Variants in SYCP1 observed in about 807,000 individuals in gnomAD.
SYCP1 encodes the protein cancer/testis antigen 8.
Under a neutral mutation model 153.1 loss-of-function variants are expected in SYCP1, and 64 were observed. The observed-to-expected ratio is 0.42, with a 90% CI of 0.34 to 0.51. The LOEUF is 0.51. SYCP1 is among the 20% of genes least tolerant of loss of function. The pLI is 0.06. For synonymous variants in SYCP1, 384 were observed against 341.8 expected (o/e 1.12, Z -1.36); for missense variants, 997 against 1,049.0 (o/e 0.95, Z 0.68).
chr1:114,867,498 A>AT (rs983158219), intron 8 of SYCP1, among the ~76,000 whole-genome samples: 14 of 151,566 alleles, frequency 9.2e-5, no homozygotes, highest in Admixed American at 6.6e-5. Context: ...TAAGTATTTC[A>AT]TTTTTTTTGT....
intron 23 of SYCP1, among the ~76,000 whole-genome samples, chr1:114,927,740 G>A (rs1570788626): frequency 1.3e-5 from 2 of 152,054 alleles, no homozygotes; most frequent in Non-Finnish European, 1.5e-5. Flanking sequence ...ATAGTGCCTC[G>A]GTGGCCTGTA....
intron 12 of SYCP1, among the ~76,000 whole-genome samples, chr1:114,881,440 T>C (rs1199052272): frequency 6.6e-6 from 1 of 152,228 alleles, no homozygotes; most frequent in Non-Finnish European, 1.5e-5. Flanking sequence ...ATGATATGTC[T>C]TTCTAGGTTG....
intron 23 of SYCP1, among the ~76,000 whole-genome samples, chr1:114,933,680 T>C (rs906616091): frequency 3.3e-5 from 5 of 152,156 alleles, no homozygotes; most frequent in African/African-American, 1.2e-4. Context: ...GACGGCTAAC[T>C]AGAATAAACA....
chr1:114,957,410 AG>A, intron 27 of SYCP1, among the ~76,000 whole-genome samples: 1 of 152,358 alleles, frequency 6.6e-6, no homozygotes, highest in East Asian at 1.9e-4. Flanking sequence ...GACCTCAAAA[AG>A]CATAGGCAAT....
At chr1:114,878,404 T>C (rs1665687157) in intron 12 of SYCP1, among the ~76,000 whole-genome samples, 1 of 152,168 alleles carries the variant, frequency 6.6e-6, no homozygotes, top group African/African-American at 2.4e-5. Flanking sequence ...CCTTTTTCCA[T>C]GCTCTTACCT....
intron 27 of SYCP1, among the ~76,000 whole-genome samples, chr1:114,958,615 CAGTTTTAAA>C (rs1671580591): frequency 1.3e-5 from 2 of 151,902 alleles, no homozygotes; most frequent in South Asian, 4.2e-4. Flanking sequence ...TTTTATTATT[CAGTTTTAAA>C]AGTTCTTTAT....
chr1:114,886,165 C>G lies in SYCP1; in HGVS notation c.1046C>G (p.Thr349Arg), dbSNP rs1666284076. 2 of 1,609,172 alleles carry G rather than the reference C, an allele frequency of 1.2e-6. No homozygotes were observed. The highest frequency in any genetic ancestry group is 1.7e-6 in the Non-Finnish European group (2 of 1,178,276). ...TTAGAGGAAGATTTACAGATAGCAA[C>G]AAAAACAATTTGTCAGCTAACTGAA... ...KALEEDLQIA[T>R]KTICQLTEEK... The change falls in exon 14 of 32, where the codon ACA becomes AGA. Residue 349 changes from threonine (T) to arginine (R), a missense_variant. Thr to Arg is a moderately conservative substitution (Grantham distance 71). Coordinates refer to ENST00000369522, the MANE Select transcript of SYCP1 (RefSeq NM_003176.4).
intron 13 of SYCP1, among the ~76,000 whole-genome samples, chr1:114,885,848 T>C (rs1161236387): frequency 2.6e-5 from 4 of 151,724 alleles, no homozygotes; most frequent in Admixed American, 6.6e-5. Flanking sequence ...GACAACAGGG[T>C]GGTTTAGGTA....
At chr1:114,954,372 T>A (rs1671299369) in intron 27 of SYCP1, among the ~76,000 whole-genome samples, 1 of 152,048 alleles carries the variant, frequency 6.6e-6, no homozygotes, top group South Asian at 2.1e-4. Flanking sequence ...TTATTTTGTA[T>A]CCTGTGCCCA....
chr1:114,900,947 T>G (rs1667403803), intron 16 of SYCP1, among the ~76,000 whole-genome samples: 1 of 152,228 alleles, frequency 6.6e-6, no homozygotes, highest in African/African-American at 2.4e-5. Context: ...TTTAAGTCAG[T>G]CTTTATTTTA....
intron 23 of SYCP1, among the ~76,000 whole-genome samples, chr1:114,940,368 G>A (rs985136452): frequency 2.6e-5 from 4 of 152,052 alleles, no homozygotes; most frequent in Non-Finnish European, 5.9e-5. Context: ...AAGTGCTGAG[G>A]TTACAGGTGT....
chr1:114,962,815 TG>T (rs1220506267), intron 27 of SYCP1, among the ~76,000 whole-genome samples: 1 of 152,224 alleles, frequency 6.6e-6, no homozygotes, highest in Non-Finnish European at 1.5e-5. Context: ...TTTTAGGTTT[TG>T]TTTCAAGATG....
chr1:114,937,912 G>T (rs541469993), intron 23 of SYCP1, among the ~76,000 whole-genome samples: 44 of 152,288 alleles, frequency 2.9e-4, no homozygotes, highest in East Asian at 3.9e-4. Context: ...TGCTGGAGAG[G>T]ATGTGGAGAA....
chr1:114,925,809 G>A (rs2101737521), intron 21 of SYCP1, among the ~76,000 whole-genome samples: 1 of 152,184 alleles, frequency 6.6e-6, no homozygotes, highest in African/African-American at 2.4e-5. Flanking sequence ...TAAGAATGAT[G>A]AATGTTGACA....
chr1:114,877,978 A>G, intron 11 of SYCP1, 116 bp from the exon 12 acceptor site: 1 of 610,546 alleles, frequency 1.6e-6, no homozygotes, highest in Non-Finnish European at 2.8e-6. Flanking sequence ...TGGGAGGGTT[A>G]AGTGGACCAG....
intron 14 of SYCP1, among the ~76,000 whole-genome samples, chr1:114,886,770 TTTAA>T (rs1385133080): frequency 3.3e-5 from 5 of 151,942 alleles, no homozygotes; most frequent in Admixed American, 6.6e-5. Flanking sequence ...TCAGTATAAA[TTTAA>T]TTAATATAAT....
chr1:114,908,843 G>A (rs1235781315), intron 16 of SYCP1, among the ~76,000 whole-genome samples: 1 of 152,104 alleles, frequency 6.6e-6, no homozygotes, highest in Non-Finnish European at 1.5e-5. Flanking sequence ...GCATATATCT[G>A]TTGCCTTTTC....
intron 20 of SYCP1, among the ~76,000 whole-genome samples, chr1:114,920,099 A>T (rs868821601): frequency 1.3e-5 from 2 of 151,724 alleles, no homozygotes; most frequent in Middle Eastern, 6.8e-3. Flanking sequence ...GACTTTTTAA[A>T]ACTTTTTTGA....
At chr1:114,917,733 A>G (rs1041602433) in intron 20 of SYCP1, among the ~76,000 whole-genome samples, 13 of 152,164 alleles carry the variant, frequency 8.5e-5, no homozygotes, top group African/African-American at 3.1e-4. Context: ...CTGATGATCA[A>G]TGATGTTGAT....
Sources: gnomAD v4.1 joint callset for allele counts (sites outside exome capture counted in the v4.1 genomes callset) on GRCh38, gnomAD v4.1.1 for gene constraint, MANE v1.5 for transcripts, NCBI Gene and HGNC (gene_info 2026-07-23, HGNC 2026-07-21) for gene names.